The following MDGA2 variants were observed in gnomAD, a reference collection of about 807,000 sequenced individuals.
MDGA2 encodes the protein MAM domain-containing glycosylphosphatidylinositol anchor protein 2.
A neutral mutation model predicts 117.8 loss-of-function variants in MDGA2; 40 were observed. The ratio of observed to expected loss-of-function variants is 0.34; its 90% CI spans 0.26 to 0.44. MDGA2 has a LOEUF of 0.44. Ranked by LOEUF, MDGA2 falls within the 20% of genes least tolerant of loss-of-function variation. The pLI is 1.00. For missense variants in MDGA2, 1,123 were observed against 1,250.6 expected, an observed-to-expected ratio of 0.90 and a Z score of 1.54; for synonymous variants, 452 against 439.0, an observed-to-expected ratio of 1.03 and a Z score of -0.37.
At chr14:47,172,290 A>G (rs1884185919) in intron 3 of MDGA2, among the ~76,000 whole-genome samples, 1 of 151,998 alleles carries the variant, frequency 6.6e-6, no homozygotes, top group Non-Finnish European at 1.5e-5. Context: ...CTTTGAAGAG[A>G]GCAGTGGTTC....
chr14:47,239,858 T>C (rs1886981791), intron 2 of MDGA2, among the ~76,000 whole-genome samples: 1 of 151,812 alleles, frequency 6.6e-6, no homozygotes, highest in African/African-American at 2.4e-5. Flanking sequence ...ATCAAAATTT[T>C]ATATCTTTTT....
chr14:47,100,931 T>C (rs917015760), intron 5 of MDGA2, among the ~76,000 whole-genome samples: 1 of 152,102 alleles, frequency 6.6e-6, no homozygotes, highest in Admixed American at 6.6e-5. Flanking sequence ...ACCAGGCTGG[T>C]AGTCTTCCAA....
intron 3 of MDGA2, among the ~76,000 whole-genome samples, chr14:47,191,945 C>G (rs766479572): frequency 6.6e-6 from 1 of 152,102 alleles, no homozygotes; most frequent in Non-Finnish European, 1.5e-5. Context: ...ATGAGAAAAA[C>G]CATCCCAGAG....
chr14:47,667,347 G>A (rs914941995), intron 1 of MDGA2, among the ~76,000 whole-genome samples: 16 of 152,284 alleles, frequency 1.1e-4, no homozygotes, highest in Non-Finnish European at 1.8e-4. Context: ...AAGACGGAAT[G>A]CTCCAATGAT....
intron 1 of MDGA2, among the ~76,000 whole-genome samples, chr14:47,524,738 A>T (rs1316533867): frequency 6.6e-6 from 1 of 152,186 alleles, no homozygotes; most frequent in Non-Finnish European, 1.5e-5. Flanking sequence ...TCATGTGCAC[A>T]ATCAAAATAA....
chr14:46,916,425 A>C (rs1883900508), intron 10 of MDGA2, among the ~76,000 whole-genome samples: 1 of 148,440 alleles, frequency 6.7e-6, no homozygotes. Context: ...TTAGAATGTA[A>C]AAAAAAAAAG....
intron 1 of MDGA2, among the ~76,000 whole-genome samples, chr14:47,346,094 T>C (rs1384564714): frequency 6.6e-6 from 1 of 152,092 alleles, no homozygotes; most frequent in African/African-American, 2.4e-5. Flanking sequence ...TGATATTGAA[T>C]GTTCCCAACA....
intron 1 of MDGA2, among the ~76,000 whole-genome samples, chr14:47,590,823 A>G (rs1896423625): frequency 6.6e-6 from 1 of 151,954 alleles, no homozygotes; most frequent in Non-Finnish European, 1.5e-5. Context: ...AAATAAAGAA[A>G]ATTTCATAAG....
At chr14:47,511,480 G>GGAA (rs1207646759) in intron 1 of MDGA2, among the ~76,000 whole-genome samples, 1 of 151,950 alleles carries the variant, frequency 6.6e-6, no homozygotes, top group Non-Finnish European at 1.5e-5. Flanking sequence ...TAGTATACAT[G>GGAA]GAAGAGATTG....
chr14:46,866,447 A>C (rs955922091), intron 14 of MDGA2, among the ~76,000 whole-genome samples: 6 of 152,290 alleles, frequency 3.9e-5, no homozygotes, highest in Admixed American at 3.3e-4. Context: ...CCCTAGAAGA[A>C]AACCTAGGCA....
intron 9 of MDGA2, among the ~76,000 whole-genome samples, chr14:46,940,915 AAGGTATG>A (rs1359060751): frequency 1.3e-5 from 2 of 152,206 alleles, no homozygotes; most frequent in Non-Finnish European, 2.9e-5. Context: ...AGAAGCCCAG[AAGGTATG>A]CTGTTTATCT....
chr14:47,053,670 C>CAT lies in MDGA2; in HGVS notation c.1525+7577_1525+7578dup, dbSNP rs1238733281. 2.0e-4 allele frequency among the ~76,000 whole-genome samples: 28 copies of CAT among 137,528 alleles called. 1 individual carries two copies. The highest frequency in any genetic ancestry group is 7.4e-4 in the Admixed American group (10 of 13,544). The allele number at this position is 137,528 out of a possible 152,430, so 90.2% of individuals were successfully genotyped here. A position where few individuals can be genotyped will look rare whatever the true frequency, so the allele number is the denominator to read the frequency against. On this transcript the variant is annotated intron_variant, in intron 7 of 16. Transcript: ENST00000399232. ...ATATATATATACACACACACACACA[C>CAT]ATATATATATACACACACACATATA...
chr14:47,341,115 TCTTATAATGTGGCTAA>T (rs1890609270), intron 1 of MDGA2, among the ~76,000 whole-genome samples: 1 of 152,204 alleles, frequency 6.6e-6, no homozygotes, highest in Non-Finnish European at 1.5e-5. Flanking sequence ...TCATCTGCTA[TCTTATAATGTGGCTAA>T]CTTACATTTC....
intron 6 of MDGA2, among the ~76,000 whole-genome samples, chr14:47,068,710 C>G (rs188136024): frequency 6.6e-6 from 1 of 152,036 alleles, no homozygotes; most frequent in African/African-American, 2.4e-5. Flanking sequence ...GGACTAGAAA[C>G]AGCTATCAGA....
At chr14:47,456,007 G>C (rs1192920630) in intron 1 of MDGA2, among the ~76,000 whole-genome samples, 1 of 150,630 alleles carries the variant, frequency 6.6e-6, no homozygotes, top group Non-Finnish European at 1.5e-5. Context: ...AAAAAATAAA[G>C]TAAAATAAAA....
In MDGA2 at chr14:47,608,295, G is replaced by C. The variant is rs998285762; in HGVS notation, c.280+66222C>G. ...CACTTTTTTCTGGACAGAACTGTGA[G>C]AAACAAATAATCCTAATTATGTAAC... On this transcript the variant is annotated intron_variant, in intron 1 of 16. Coordinates refer to ENST00000399232, the MANE Select transcript of MDGA2 (RefSeq NM_001113498.3). Among the ~76,000 whole-genome samples, 12 of 152,214 alleles carry C rather than the reference G, an allele frequency of 7.9e-5. No homozygotes were observed. The East Asian group carries it at 1.7e-3, about 22-fold the overall frequency.
intron 3 of MDGA2, among the ~76,000 whole-genome samples, chr14:47,197,728 G>A (rs1320597610): frequency 2.0e-5 from 3 of 152,246 alleles, no homozygotes; most frequent in East Asian, 3.9e-4. Flanking sequence ...GACGAACATG[G>A]TGAAACCCCG....
intron 1 of MDGA2, among the ~76,000 whole-genome samples, chr14:47,399,721 A>C (rs1003942861): frequency 5.3e-5 from 8 of 151,796 alleles, no homozygotes; most frequent in South Asian, 2.1e-4. Flanking sequence ...TTTCCTAAAG[A>C]GTTTACAAAA....
chr14:46,957,228 A>G (rs1885597124), intron 9 of MDGA2, 146 bp downstream of exon 9: 3 of 765,472 alleles, frequency 3.9e-6, no homozygotes, highest in Non-Finnish European at 6.1e-6. Context: ...ACTTAAAAAT[A>G]AATTTGTAGA....
Sources: gnomAD v4.1 joint callset for allele counts (sites outside exome capture counted in the v4.1 genomes callset) on GRCh38, gnomAD v4.1.1 for gene constraint, MANE v1.5 for transcripts, NCBI Gene and HGNC (gene_info 2026-07-23, HGNC 2026-07-21) for gene names.